Variants in INSYN2B observed in about 807,000 individuals in gnomAD.
The protein encoded by INSYN2B is inhibitory synaptic factor family member 2B, also known as protein INSYN2B.
Under a neutral mutation model 41.2 loss-of-function variants are expected in INSYN2B, and 16 were observed. The observed-to-expected ratio is 0.39, with a 90% CI of 0.26 to 0.59. The LOEUF (loss-of-function observed/expected upper bound fraction) is 0.59, where lower values mean the gene tolerates loss of function less well. Ranked by LOEUF, INSYN2B falls within the 20% of genes least tolerant of loss-of-function variation. The probability of loss-of-function intolerance (pLI) is 0.57; values close to 1 mark genes in which losing one functional copy is unlikely to be tolerated. For missense variants in INSYN2B, 608 were observed against 646.4 expected (o/e 0.94, Z 0.64); for synonymous variants, 245 against 244.4 (o/e 1.00, Z -0.02).
At chr5:169,875,236 G>A (rs969353880) in intron 3 of INSYN2B, 3 of 456,530 alleles carry the variant, frequency 6.6e-6, no homozygotes, top group Admixed American at 4.7e-5. Context: ...GGAGCTTGCT[G>A]CAACTGCGGA....
intron 3 of INSYN2B, among the ~76,000 whole-genome samples, chr5:169,866,301 TA>T (rs1396381688): frequency 6.6e-6 from 1 of 152,102 alleles, no homozygotes; most frequent in Admixed American, 6.5e-5. Flanking sequence ...TATATTAAAT[TA>T]GAATTGTATT....
At chr5:169,899,939 A>G (rs1773824494) in intron 1 of INSYN2B, among the ~76,000 whole-genome samples, 1 of 152,190 alleles carries the variant, frequency 6.6e-6, no homozygotes, top group Middle Eastern at 3.2e-3. Flanking sequence ...ATTTTCAGTT[A>G]TGTCATTTCC....
chr5:169,866,624 C>T (rs528596813), intron 3 of INSYN2B, among the ~76,000 whole-genome samples: 50 of 152,210 alleles, frequency 3.3e-4, no homozygotes, highest in Non-Finnish European at 6.0e-4. Context: ...ACTGCTAATC[C>T]AGTGAATCTG....
At chr5:169,930,682 GAATTATT>G in intron 1 of INSYN2B, among the ~76,000 whole-genome samples, 1 of 152,308 alleles carries the variant, frequency 6.6e-6, no homozygotes, top group East Asian at 1.9e-4. Context: ...ATTTTACCTT[GAATTATT>G]AATTTCAAGA....
rs558835048 is a variant in INSYN2B, at chr5:169,943,306, G to A, written c.-919+36971C>T. ...TTGGATTTATCTTGAGGAATAAGCA[G>A]TAGCTGTCTAAAGGTTGATCCCACC... On this transcript the variant is annotated intron_variant, in intron 1 of 3. Transcript: ENST00000377365. 3.9e-5 allele frequency among the ~76,000 whole-genome samples: 6 copies of A among 152,304 alleles called. No individual in the cohort carries two copies. The South Asian group carries it at 8.3e-4, about 21-fold the overall frequency.
At chr5:169,917,940 C>G (rs145691640) in intron 1 of INSYN2B, among the ~76,000 whole-genome samples, 299 of 152,280 alleles carry the variant, frequency 2.0e-3, no homozygotes, top group South Asian at 7.5e-3. Context: ...GAGGGACTTA[C>G]AAACTATCAA....
At chr5:169,952,090 C>A (rs1218210386) in intron 1 of INSYN2B, among the ~76,000 whole-genome samples, 1 of 152,182 alleles carries the variant, frequency 6.6e-6, no homozygotes, top group African/African-American at 2.4e-5. Context: ...TTTCTCCTAC[C>A]ATTTCAGAGA....
intron 1 of INSYN2B, among the ~76,000 whole-genome samples, chr5:169,973,692 GA>G (rs1258032744): frequency 6.6e-6 from 1 of 152,204 alleles, no homozygotes; most frequent in African/African-American, 2.4e-5. Flanking sequence ...ACCTCATACA[GA>G]ACCCTTCTTA....
intron 1 of INSYN2B, among the ~76,000 whole-genome samples, chr5:169,957,537 G>A (rs1233291781): frequency 6.6e-6 from 1 of 152,196 alleles, no homozygotes; most frequent in African/African-American, 2.4e-5. Flanking sequence ...TCAGGTGACT[G>A]CTCCAGGTCA....
At chr5:169,934,484 C>T (rs988379637) in intron 1 of INSYN2B, among the ~76,000 whole-genome samples, 13 of 152,342 alleles carry the variant, frequency 8.5e-5, no homozygotes, top group Middle Eastern at 3.4e-3. Flanking sequence ...GAGGTGCATG[C>T]ACATATGCTA....
At chr5:169,896,133 G>A (rs1208929317) in intron 1 of INSYN2B, among the ~76,000 whole-genome samples, 4 of 152,050 alleles carry the variant, frequency 2.6e-5, no homozygotes, top group East Asian at 1.9e-4. Context: ...CTCCCAGAGC[G>A]TGCAGGCAGA....
intron 1 of INSYN2B, among the ~76,000 whole-genome samples, chr5:169,903,103 A>C (rs1774035048): frequency 6.6e-6 from 1 of 151,884 alleles, no homozygotes; most frequent in Non-Finnish European, 1.5e-5. Context: ...TCTCAAAAAA[A>C]AAAGAAAGAA....
At chr5:169,896,177 T>C (rs1414275556) in intron 1 of INSYN2B, among the ~76,000 whole-genome samples, 6 of 150,568 alleles carry the variant, frequency 4.0e-5, no homozygotes, top group African/African-American at 1.5e-4. Context: ...GCTCCTGGGG[T>C]CGGGGGGCGG....
At chr5:169,931,449 C>A (rs1475608998) in intron 1 of INSYN2B, among the ~76,000 whole-genome samples, 4 of 152,250 alleles carry the variant, frequency 2.6e-5, no homozygotes, top group African/African-American at 9.6e-5. Context: ...GAAACTCTTT[C>A]CACCTATCCA....
chr5:169,954,392 T>TATTTTG (rs1776784234), intron 1 of INSYN2B, among the ~76,000 whole-genome samples: 1 of 152,378 alleles, frequency 6.6e-6, no homozygotes, highest in South Asian at 2.1e-4. Flanking sequence ...AGCTTTTATC[T>TATTTTG]ATTTTGATTT....
At chr5:169,922,354 G>T (rs1775220528) in intron 1 of INSYN2B, among the ~76,000 whole-genome samples, 1 of 152,188 alleles carries the variant, frequency 6.6e-6, no homozygotes, top group Non-Finnish European at 1.5e-5. Flanking sequence ...AAGAAATAAT[G>T]TTAATACATA....
At chr5:169,923,190 G>A (rs1775267877) in intron 1 of INSYN2B, among the ~76,000 whole-genome samples, 1 of 152,088 alleles carries the variant, frequency 6.6e-6, no homozygotes, top group Admixed American at 6.5e-5. Context: ...ACACAAGCAT[G>A]GGACTGGGTA....
intron 1 of INSYN2B, among the ~76,000 whole-genome samples, chr5:169,888,062 T>C (rs1773075547): frequency 6.6e-6 from 1 of 151,942 alleles, no homozygotes. Flanking sequence ...AAAATGAAAA[T>C]TTGAATAGTC....
In INSYN2B at chr5:169,901,835, T is replaced by C. The variant is rs965230341; in HGVS notation, c.-918-17019A>G. Among the ~76,000 whole-genome samples, 3 of 152,218 alleles carry C rather than the reference T, an allele frequency of 2.0e-5. 1 individual carries two copies. Among genetic ancestry groups the C allele is most frequent in the Non-Finnish European group, 4.4e-5 (3 of 68,032 alleles). ...GACCCTCAGCCATGTGCTATGGTGT[T>C]ACCACCATGTTTGCTTGCATCTGTT... On this transcript the variant is annotated intron_variant, in intron 1 of 3. Transcript: ENST00000377365.
Sources: gnomAD v4.1 joint callset for allele counts (sites outside exome capture counted in the v4.1 genomes callset) on GRCh38, gnomAD v4.1.1 for gene constraint, MANE v1.5 for transcripts, NCBI Gene and HGNC (gene_info 2026-07-23, HGNC 2026-07-21) for gene names.